Variants in MDGA2 observed in about 807,000 individuals in gnomAD.
The protein encoded by MDGA2 is MAM domain containing glycosylphosphatidylinositol anchor 2.
Under a neutral mutation model 117.8 loss-of-function variants are expected in MDGA2, and 40 were observed. That is an observed-to-expected ratio of 0.34 (90% CI 0.26 to 0.44). MDGA2 has a LOEUF of 0.44. MDGA2 is among the 20% of genes least tolerant of loss of function. The probability of loss-of-function intolerance (pLI) is 1.00; values close to 1 mark genes in which losing one functional copy is unlikely to be tolerated. For synonymous variants in MDGA2, 452 were observed against 439.0 expected (o/e 1.03, Z -0.37); for missense variants, 1,123 against 1,250.6 (o/e 0.90, Z 1.54).
At chr14:46,864,382 T>G (rs959825945) in intron 14 of MDGA2, among the ~76,000 whole-genome samples, 6 of 150,674 alleles carry the variant, frequency 4.0e-5, no homozygotes, top group Non-Finnish European at 7.4e-5. Flanking sequence ...CTTAATTATT[T>G]TGCCTTATTT....
At chr14:47,182,297 T>A (rs1322260124) in intron 3 of MDGA2, among the ~76,000 whole-genome samples, 1 of 152,076 alleles carries the variant, frequency 6.6e-6, no homozygotes, top group Non-Finnish European at 1.5e-5. Flanking sequence ...ATAGACTAAG[T>A]TATGTACCCC....
chr14:47,077,295 A>C (rs1177579420), intron 6 of MDGA2, among the ~76,000 whole-genome samples: 2 of 152,010 alleles, frequency 1.3e-5, no homozygotes, highest in Admixed American at 6.6e-5. Context: ...ATCAGCTCTT[A>C]TTCCTTACAA....
intron 8 of MDGA2, among the ~76,000 whole-genome samples, chr14:46,972,816 C>T (rs549906286): frequency 3.3e-5 from 5 of 152,006 alleles, no homozygotes; most frequent in African/African-American, 1.2e-4. Context: ...TGCAAAGACA[C>T]AGTCAAGAAA....
chr14:47,599,057 T>C (rs140042119), intron 1 of MDGA2, among the ~76,000 whole-genome samples: 25 of 152,168 alleles, frequency 1.6e-4, no homozygotes, highest in African/African-American at 5.5e-4. Context: ...ACAACCACCA[T>C]ATGTCATTCT....
At chr14:47,288,290 T>C (rs1255127480) in intron 2 of MDGA2, among the ~76,000 whole-genome samples, 1 of 152,168 alleles carries the variant, frequency 6.6e-6, no homozygotes, top group Non-Finnish European at 1.5e-5. Context: ...TTCAGAAAAT[T>C]CTTTTCAAAA....
intron 8 of MDGA2, among the ~76,000 whole-genome samples, chr14:47,018,587 G>A (rs1312039827): frequency 1.3e-5 from 2 of 151,914 alleles, no homozygotes; most frequent in East Asian, 1.9e-4. Flanking sequence ...AATTGCTAAA[G>A]GATGATAGCA....
At chr14:47,119,375 T>G (rs901412691) in intron 5 of MDGA2, among the ~76,000 whole-genome samples, 1 of 152,148 alleles carries the variant, frequency 6.6e-6, no homozygotes, top group Non-Finnish European at 1.5e-5. Context: ...CTACATATTC[T>G]TTAACTGTGG....
intron 2 of MDGA2, among the ~76,000 whole-genome samples, chr14:47,243,000 T>C (rs1013464128): frequency 5.9e-5 from 9 of 151,612 alleles, no homozygotes; most frequent in African/African-American, 9.7e-5. Context: ...GGTTTGTGAG[T>C]GCACCAGTCG....
At chr14:46,964,986 C>T (rs980886552) in intron 8 of MDGA2, among the ~76,000 whole-genome samples, 27 of 111,302 alleles carry the variant, frequency 2.4e-4, no homozygotes, top group Non-Finnish European at 3.3e-4. Context: ...TGCAGTGGCA[C>T]GATCTCGGCT....
intron 1 of MDGA2, among the ~76,000 whole-genome samples, chr14:47,397,800 G>A (rs1892046917): frequency 6.6e-6 from 1 of 152,034 alleles, no homozygotes; most frequent in South Asian, 2.1e-4. Flanking sequence ...CTGGATACAA[G>A]GAGGTAACCT....
At chr14:47,476,178 A>G (rs1303889257) in intron 1 of MDGA2, among the ~76,000 whole-genome samples, 1 of 152,212 alleles carries the variant, frequency 6.6e-6, no homozygotes, top group Non-Finnish European at 1.5e-5. Flanking sequence ...GTATAACAAT[A>G]TGCACATATA....
chr14:47,491,729 C>T (rs1261420372), intron 1 of MDGA2, among the ~76,000 whole-genome samples: 1 of 151,516 alleles, frequency 6.6e-6, no homozygotes. Flanking sequence ...AAATACCTGT[C>T]AACAATAAAT....
chr14:47,201,029 G>A (rs1885486615), intron 3 of MDGA2: 15 of 1,099,972 alleles, frequency 1.4e-5, no homozygotes, highest in Non-Finnish European at 1.4e-5. Context: ...AGCAGTACCT[G>A]TTTAGCCACA....
chr14:47,391,276 G>A (rs1257779856), intron 1 of MDGA2, among the ~76,000 whole-genome samples: 1 of 152,174 alleles, frequency 6.6e-6, no homozygotes, highest in Non-Finnish European at 1.5e-5. Flanking sequence ...TTTGCCGAAG[G>A]GAGAAAATGC....
intron 1 of MDGA2, among the ~76,000 whole-genome samples, chr14:47,485,796 C>A (rs1405165418): frequency 6.6e-6 from 1 of 152,144 alleles, no homozygotes; most frequent in Non-Finnish European, 1.5e-5. Flanking sequence ...TTGGCAGCTC[C>A]CACTTAGTGT....
intron 1 of MDGA2, among the ~76,000 whole-genome samples, chr14:47,593,793 G>A (rs1354208275): frequency 1.3e-5 from 2 of 151,950 alleles, no homozygotes; most frequent in African/African-American, 4.8e-5. Flanking sequence ...CTAGGTGAAG[G>A]GCTGATCTGT....
intron 14 of MDGA2, among the ~76,000 whole-genome samples, chr14:46,870,536 A>G (rs1027860548): frequency 6.6e-6 from 1 of 151,966 alleles, no homozygotes; most frequent in Non-Finnish European, 1.5e-5. Flanking sequence ...CTGATTACTC[A>G]ATGTCTGGAC....
chr14:47,569,927 C>T (rs1238624758), intron 1 of MDGA2, among the ~76,000 whole-genome samples: 1 of 152,108 alleles, frequency 6.6e-6, no homozygotes, highest in African/African-American at 2.4e-5. Flanking sequence ...TCTATGGTTA[C>T]ATTCATAGAG....
chr14:47,138,201 T>C (rs914712030), intron 4 of MDGA2, among the ~76,000 whole-genome samples: 1 of 152,150 alleles, frequency 6.6e-6, no homozygotes, highest in African/African-American at 2.4e-5. Flanking sequence ...TATAACTACT[T>C]TAACATTAAT....
Sources: allele counts gnomAD v4.1 joint callset (sites outside exome capture counted in the v4.1 genomes callset), GRCh38; gene constraint gnomAD v4.1.1; transcripts MANE v1.5; gene names NCBI Gene and HGNC (gene_info 2026-07-23, HGNC 2026-07-21).